PCDHGA8: variants seen among roughly 807,000 people sequenced by gnomAD.
PCDHGA8 encodes protocadherin gamma-A8.
In PCDHGA8, 45 loss-of-function variants were observed where a neutral mutation model predicts 59.2. The observed-to-expected ratio is 0.76, with a 90% confidence interval of 0.60 to 0.98. The LOEUF (loss-of-function observed/expected upper bound fraction) is 0.98, where lower values mean the gene tolerates loss of function less well. Among genes scored for constraint, PCDHGA8 ranks in the 50% least tolerant of loss-of-function variants. PCDHGA8 has a pLI of 0.00. For missense variants in PCDHGA8, 1,257 were observed against 1,196.2 expected, an observed-to-expected ratio of 1.05 and a Z score of -0.75; for synonymous variants, 531 against 519.0, an observed-to-expected ratio of 1.02 and a Z score of -0.32.
chr5:141,424,084 A>G, intron 1 of PCDHGA8: 1 of 929,764 alleles, frequency 1.1e-6, no homozygotes, highest in Non-Finnish European at 1.3e-6. Context: ...ATATTCCACC[A>G]TTATTTGCTA....
chr5:141,496,980 G>T (rs186715298), intron 2 of PCDHGA8, among the ~76,000 whole-genome samples: 1 of 151,974 alleles, frequency 6.6e-6, no homozygotes, highest in Admixed American at 6.6e-5. Flanking sequence ...GAGGTCAGGG[G>T]TTTGAGACCA....
chr5:141,400,245 C>G (rs778709619), intron 1 of PCDHGA8: 32 of 1,613,998 alleles, frequency 2.0e-5, no homozygotes, highest in Non-Finnish European at 2.5e-5. Flanking sequence ...TGATTCTGGC[C>G]GTTGCCTTGC....
intron 1 of PCDHGA8, among the ~76,000 whole-genome samples, chr5:141,484,138 G>A (rs184277779): frequency 6.6e-6 from 1 of 152,244 alleles, no homozygotes; most frequent in Admixed American, 6.5e-5. Context: ...TCAGATAAAG[G>A]GAATTTGTAG....
In PCDHGA8 at chr5:141,432,967, G is replaced by T; in HGVS notation, c.2424+37730G>T. ...CAGGAGGCGGCTTGACAGGAGCGCC[G>T]GCGTCGCACTTTGTGGGCGTGGACG... On this transcript the variant is annotated intron_variant, in intron 1 of 3. Coordinates refer to ENST00000398604, the MANE Select transcript of PCDHGA8 (RefSeq NM_032088.2). The surrounding 1 kb of genome is among the most constrained non-coding windows in gnomAD (Gnocchi z 6.0). 1 of 1,614,190 alleles carries T rather than the reference G, an allele frequency of 6.2e-7. No homozygotes were observed. The highest frequency in any genetic ancestry group is 2.2e-5 in the East Asian group (1 of 44,854).
chr5:141,492,384 C>G (rs1001189412), intron 1 of PCDHGA8, among the ~76,000 whole-genome samples: 1 of 152,230 alleles, frequency 6.6e-6, no homozygotes, highest in Non-Finnish European at 1.5e-5. Context: ...AGGCCTGTTC[C>G]GGTCCACTCG....
intron 1 of PCDHGA8, chr5:141,428,444 T>C (rs2097139811): frequency 5.3e-6 from 2 of 379,264 alleles, no homozygotes; most frequent in Non-Finnish European, 1.0e-5. Context: ...AGACCAGGGG[T>C]TTTTCCCAAC....
At chr5:141,462,121 T>A (rs977258025) in intron 1 of PCDHGA8, among the ~76,000 whole-genome samples, 2 of 151,730 alleles carry the variant, frequency 1.3e-5, no homozygotes, top group Non-Finnish European at 2.9e-5. Context: ...CTGCACCCAG[T>A]CCAATTTTTT....
rs35821115 is a variant in PCDHGA8, at chr5:141,460,961, ATGTG to A, written c.2425-33826_2425-33823del. 3.6e-3 allele frequency among the ~76,000 whole-genome samples: 519 copies of A among 144,600 alleles called. 3 individuals carry two copies. The highest frequency in any genetic ancestry group is 4.3e-3 in the African/African-American group (168 of 38,712). The allele number at this position is 144,600 out of a possible 152,430, so 94.9% of individuals were successfully genotyped here. A position where few individuals can be genotyped will look rare whatever the true frequency, so the allele number is the denominator to read the frequency against. ...ATATATATGTATTATGTATATATAT[ATGTG>A]TGTGTGTGTGTGTGTGTGTATATAT... On this transcript the variant is annotated intron_variant, in intron 1 of 3. Transcript: ENST00000398604.
At chr5:141,474,143 T>C (rs933805562) in intron 1 of PCDHGA8, among the ~76,000 whole-genome samples, 5 of 152,188 alleles carry the variant, frequency 3.3e-5, no homozygotes, top group Non-Finnish European at 5.9e-5. Flanking sequence ...CAGGCCTTAT[T>C]ATCAAGAAAA....
chr5:141,439,124 C>A (rs550781116), intron 1 of PCDHGA8, among the ~76,000 whole-genome samples: 332 of 150,120 alleles, frequency 2.2e-3, no homozygotes, highest in Non-Finnish European at 3.9e-3. Context: ...ACCCGGGAGA[C>A]AGAGGTTGCA....
At chr5:141,500,887 T>C (rs557735403) in intron 2 of PCDHGA8, among the ~76,000 whole-genome samples, 1 of 95,622 alleles carries the variant, frequency 1.0e-5, no homozygotes, top group South Asian at 2.8e-4. Context: ...ATTTTTTTTT[T>C]TTGAGACAGT....
Position 141,487,532 on chromosome 5 carries a change from A to T in PCDHGA8, c.2425-7275A>T. 6.2e-7 allele frequency: 1 copy of T among 1,614,158 alleles called. No homozygotes were observed. The highest frequency in any genetic ancestry group is 8.5e-7 in the Non-Finnish European group (1 of 1,180,022). ...ACCCACTCGGAGTGATAGCTTCATG[A>T]TGGTGAAGTCACCCAGTGCACCTAT... is the stretch of plus-strand genomic sequence containing the variant. On this transcript the variant is annotated intron_variant, in intron 1 of 3. Transcript: ENST00000398604. This position sits in a 1 kb window ranked among gnomAD's most constrained non-coding sequence, Gnocchi z 5.0.
chr5:141,492,829 C>T (rs2099744241), intron 1 of PCDHGA8, among the ~76,000 whole-genome samples: 1 of 152,232 alleles, frequency 6.6e-6, no homozygotes, highest in Non-Finnish European at 1.5e-5. Context: ...CGGCCCCTTC[C>T]TCCCGCAGGA....
intron 1 of PCDHGA8, chr5:141,419,543 G>A (rs573594140): frequency 2.5e-5 from 40 of 1,612,106 alleles, no homozygotes; most frequent in African/African-American, 2.0e-4. Context: ...CGCACCGCGG[G>A]TGCTGTACCC....
chr5:141,410,180 C>G (rs776702898), intron 1 of PCDHGA8: 43 of 1,613,802 alleles, frequency 2.7e-5, no homozygotes, highest in Non-Finnish European at 3.4e-5. Context: ...CACCGCCACG[C>G]TTCATCTGGT....
chr5:141,409,178 G>A, intron 1 of PCDHGA8: 1 of 1,613,994 alleles, frequency 6.2e-7, no homozygotes, highest in Non-Finnish European at 8.5e-7. Context: ...GGACGGAGGT[G>A]GTCTCTCTAC....
chr5:141,400,690 A>G (rs928893484), intron 1 of PCDHGA8: 6 of 790,238 alleles, frequency 7.6e-6, no homozygotes, highest in Non-Finnish European at 8.1e-6. Flanking sequence ...GTGAGTTTTT[A>G]TGTCGCATAA....
At chr5:141,415,881 T>C (rs1589997447) in intron 1 of PCDHGA8, 1 of 1,003,346 alleles carries the variant, frequency 1.0e-6, no homozygotes, top group Non-Finnish European at 1.3e-6. Context: ...GAGTACAATA[T>C]TGACAATTCC....
chr5:141,453,423 C>T (rs931962019), intron 1 of PCDHGA8, among the ~76,000 whole-genome samples: 2 of 152,120 alleles, frequency 1.3e-5, no homozygotes, highest in African/African-American at 4.8e-5. Context: ...TAAGCCACCA[C>T]ACCTAGCCTA....
Sources: allele counts gnomAD v4.1 joint callset (sites outside exome capture counted in the v4.1 genomes callset), GRCh38; gene constraint gnomAD v4.1.1; non-coding constraint Gnocchi (gnomAD v3.1); transcripts MANE v1.5; gene names NCBI Gene and HGNC (gene_info 2026-07-23, HGNC 2026-07-21).